The following CARD9 variants were observed in gnomAD, a reference collection of about 807,000 sequenced individuals.
CARD9 encodes caspase recruitment domain-containing protein 9.
In CARD9, 53 loss-of-function variants were observed where a neutral mutation model predicts 66.0. That is an observed-to-expected ratio of 0.80 (90% confidence interval 0.64 to 1.01). CARD9 has a LOEUF of 1.01. Among genes scored for constraint, CARD9 ranks in the 50% least tolerant of loss-of-function variants. The probability of loss-of-function intolerance (pLI) is 0.00; values close to 1 mark genes in which losing one functional copy is unlikely to be tolerated. For missense variants in CARD9, 769 were observed against 743.2 expected (o/e 1.03, Z -0.40); for synonymous variants, 387 against 313.8 (o/e 1.23, Z -2.47).
rs761138101 is a variant in CARD9, at chr9:136,372,108, G to A, written c.-16-14C>T. On this transcript the variant is annotated splice_polypyrimidine_tract_variant and intron_variant, in intron 1 of 12. Transcript: ENST00000371732. Reference sequence around the variant, plus strand: ...TCAGCAGGCAGGCTGGGGAGTGTGGGGCAGTGCTGAGAGCGATGCCGGCTC... The same window carrying A: ...TCAGCAGGCAGGCTGGGGAGTGTGGAGCAGTGCTGAGAGCGATGCCGGCTC... 4 of 1,611,696 alleles carry A rather than the reference G, an allele frequency of 2.5e-6. No individual in the cohort carries two copies. Among genetic ancestry groups the A allele is most frequent in the East Asian group, 2.2e-5 (1 of 44,866 alleles).
Position 136,369,851 on chromosome 9 carries a change from C to G in CARD9, c.976G>C (p.Glu326Gln), listed in dbSNP as rs143669690. The G allele has an allele frequency of 7.6e-5, 122 of 1,612,752 alleles. No homozygotes were observed. The highest frequency in any genetic ancestry group is 9.8e-5 in the Non-Finnish European group (116 of 1,180,014). ...TTACGTAGTGCCAGGCACTGCAGCTCGAACATCTCCTTCTCCTCCATGCAC... is the reference window on the plus strand; with the variant it reads ...TTACGTAGTGCCAGGCACTGCAGCTGGAACATCTCCTTCTCCTCCATGCAC... ...LRCMEEKEMFELQCLALRKDS... is the reference protein window; with the variant it reads ...LRCMEEKEMFQLQCLALRKDS... Residue 326 changes from glutamate (E) to glutamine (Q), a missense_variant, in exon 7 of 13, where the codon GAG (glutamate) becomes CAG (glutamine). By Grantham distance (29) the Glu-to-Gln change is conservative (BLOSUM62 2). Coordinates refer to ENST00000371732, the MANE Select transcript of CARD9 (RefSeq NM_052813.5).
At chr9:136,371,219 A>C in intron 3 of CARD9, 74 bp from the exon 4 acceptor site, 1 of 1,591,360 alleles carries the variant, frequency 6.3e-7, no homozygotes. Context: ...GCGCTGTGGC[A>C]GGAGCTCAGG....
At position 136,371,318 on chromosome 9, in the gene CARD9, A is replaced by C. The variant is rs1833264512; in HGVS notation, c.322+6T>G. The C allele has an allele frequency of 6.2e-7, 1 of 1,600,630 alleles. No individual in the cohort carries two copies. Among genetic ancestry groups the C allele is most frequent in the Non-Finnish European group, 8.5e-7 (1 of 1,174,282 alleles). ...CCCTGTCGGCCCCGCCTCCCCCGTC[A>C]CTCACCGATGATCATGGAGAAGACG... On this transcript the variant is annotated splice_donor_region_variant and intron_variant, in intron 3 of 12. Coordinates refer to ENST00000371732, the MANE Select transcript of CARD9 (RefSeq NM_052813.5).
Position 136,367,639 on chromosome 9 carries a change from G to C in CARD9, c.1267C>G (p.Leu423Val). The C allele has an allele frequency of 5.1e-6, 8 of 1,583,614 alleles. 1 individual carries two copies. The highest frequency in any genetic ancestry group is 6.8e-6 in the Non-Finnish European group (8 of 1,171,518). ...CCTGCCGCAGGCCCCAGGCCCACCA[G>C]GACGAGCGTCTCCAGCTGCTGCCGC... ...LRRQQLETLV[L>V]SSDLEDGSPR... The change falls in exon 8 of 13, where the codon CTG becomes GTG. Residue 423 changes from leucine (L) to valine (V), a missense_variant and splice_region_variant. Physicochemically the swap from Leu to Val is conservative, Grantham distance 32. Coordinates refer to ENST00000371732, the MANE Select transcript of CARD9 (RefSeq NM_052813.5).
intron 11 of CARD9, 26 bp from the exon 12 acceptor site, chr9:136,364,585 C>G: frequency 6.5e-7 from 1 of 1,532,922 alleles, no homozygotes; most frequent in Non-Finnish European, 8.7e-7. Context: ...GGCTCGGGCT[C>G]CGGCCGGCTC....
rs1308920443 is a variant in CARD9, at chr9:136,369,906, GC to G, written c.952-32del. ...GGGGGCGGCAGCTCAGCCCCCACAG[GC>G]CTGAGGCCCCCCATTCTGGCCCTTG... On this transcript the variant is annotated intron_variant, in intron 6 of 12. Coordinates refer to ENST00000371732, the MANE Select transcript of CARD9 (RefSeq NM_052813.5). The G allele has an allele frequency of 1.9e-6, 3 of 1,608,410 alleles. No individual in the cohort carries two copies. In the African/African-American group the frequency reaches 4.0e-5, roughly 21 times the overall value.
At chr9:136,373,029 T>G (rs963523378) in intron 1 of CARD9, among the ~76,000 whole-genome samples, 2 of 152,196 alleles carry the variant, frequency 1.3e-5, no homozygotes, top group Non-Finnish European at 2.9e-5. Flanking sequence ...CCTCAGCCGC[T>G]GAAAGCCACT....
Position 136,371,416 on chromosome 9 carries a change from A to T in CARD9, c.230T>A (p.Val77Glu). 6.3e-7 allele frequency: 1 copy of T among 1,590,284 alleles called. No homozygotes were observed. Among genetic ancestry groups the T allele is most frequent in the Non-Finnish European group, 8.6e-7 (1 of 1,168,184 alleles). Residue 77 changes from valine to glutamate, a missense_variant, in exon 3 of 13, where the codon GTG becomes GAG. Physicochemically the swap from Val to Glu is moderately radical, Grantham distance 121. Coordinates refer to ENST00000371732, the MANE Select transcript of CARD9 (RefSeq NM_052813.5). Reference sequence around the variant, plus strand: ...GAGCTCCAGGCTCTCGAGGAAGGCCACGTAGCCCTTGTGGCCGGTCCGCTG... The same window carrying T: ...GAGCTCCAGGCTCTCGAGGAAGGCCTCGTAGCCCTTGTGGCCGGTCCGCTG... ...ILQRTGHKGYVAFLESLELYY... is the reference protein window; with the variant it reads ...ILQRTGHKGYEAFLESLELYY...
At chr9:136,366,649 T>G in intron 10 of CARD9, 151 bp downstream of exon 10, 1 of 843,928 alleles carries the variant, frequency 1.2e-6, no homozygotes, top group Non-Finnish European at 2.0e-6. Context: ...ACCTTGACCA[T>G]TTTACTTATC....
intron 7 of CARD9, among the ~76,000 whole-genome samples, chr9:136,368,416 C>T (rs1833178623): frequency 6.6e-6 from 1 of 152,248 alleles, no homozygotes; most frequent in Admixed American, 6.5e-5. Flanking sequence ...GCTGGATCTG[C>T]CCTTTTCCCC....
intron 4 of CARD9, 32 bp from the exon 5 acceptor site, chr9:136,370,733 C>T (rs766127176): frequency 4.3e-6 from 7 of 1,612,438 alleles, no homozygotes; most frequent in Non-Finnish European, 5.1e-6. Context: ...TGGCTGTCCC[C>T]TCCAGGCGGT....
chr9:136,366,751 A>G, intron 10 of CARD9, 49 bp downstream of exon 10: 1 of 1,601,068 alleles, frequency 6.2e-7, no homozygotes. Flanking sequence ...GATGGGCCTC[A>G]CTTGGGGAAG....
intron 10 of CARD9, 119 bp from the exon 11 acceptor site, chr9:136,365,336 C>T (rs1833097850): frequency 3.4e-6 from 3 of 894,314 alleles, no homozygotes; most frequent in East Asian, 2.6e-5. Flanking sequence ...GTGGGATCCC[C>T]ACATGGGTCC....
chr9:136,367,374 AC>A, intron 8 of CARD9, 117 bp from the exon 9 acceptor site: 1 of 1,219,424 alleles, frequency 8.2e-7, no homozygotes, highest in Non-Finnish European at 1.2e-6. Context: ...CCTCAGCCAC[AC>A]CAGGCCCCCT....
At position 136,370,877 on chromosome 9, in the gene CARD9, G is replaced by C. The variant is rs774424748; in HGVS notation, c.591C>G (p.Gly197=). Residue 197 remains glycine, a synonymous_variant, in exon 4 of 13, where the codon GGC becomes GGG. Transcript: ENST00000371732. ...GGTCACGGTTCCGCATGAGCGCGGC[G>C]CCCTTCTCCTCACTCTGGTGCGCCA... ...MRLAHQSEEK[G]AALMRNRDLQ... 4 of 1,605,134 alleles carry C rather than the reference G, an allele frequency of 2.5e-6. No homozygotes were observed. The highest frequency in any genetic ancestry group is 3.4e-6 in the Non-Finnish European group (4 of 1,174,360).
At chr9:136,372,693 C>G (rs942015567) in intron 1 of CARD9, among the ~76,000 whole-genome samples, 2 of 152,224 alleles carry the variant, frequency 1.3e-5, no homozygotes, top group Non-Finnish European at 2.9e-5. Context: ...CCCTCCTCCA[C>G]GGCCGGCTGC....
chr9:136,369,071 C>T (rs987666283), intron 7 of CARD9, among the ~76,000 whole-genome samples: 21 of 152,276 alleles, frequency 1.4e-4, no homozygotes, highest in African/African-American at 4.3e-4. Context: ...CCGCCTGCCT[C>T]GCCCTCCTAG....
chr9:136,365,513 G>T, intron 10 of CARD9: 1 of 528,050 alleles, frequency 1.9e-6, no homozygotes, highest in East Asian at 3.3e-5. Context: ...CCCAGACCTC[G>T]GGGGAACTTA....
intron 11 of CARD9, 77 bp from the exon 12 acceptor site, chr9:136,364,636 C>T (rs970830183): frequency 3.6e-6 from 5 of 1,403,658 alleles, no homozygotes; most frequent in South Asian, 1.3e-5. Flanking sequence ...CCCCACTGGC[C>T]CCTGTAACTG....
Sources: gnomAD v4.1 joint callset for allele counts (sites outside exome capture counted in the v4.1 genomes callset) on GRCh38, gnomAD v4.1.1 for gene constraint, MANE v1.5 for transcripts, NCBI Gene and HGNC (gene_info 2026-07-23, HGNC 2026-07-21) for gene names.